LSM11: variants seen among roughly 807,000 people sequenced by gnomAD.
The protein encoded by LSM11 is U7 snRNA-associated Sm-like protein LSm11.
In LSM11, 14 loss-of-function variants were observed where a neutral mutation model predicts 28.1. That is an observed-to-expected ratio of 0.50 (90% CI 0.33 to 0.78). LSM11 has a LOEUF of 0.78. Ranked by LOEUF, LSM11 falls within the 30% of genes least tolerant of loss-of-function variation. LSM11 has a pLI of 0.02. For synonymous variants in LSM11, 207 were observed against 214.2 expected (o/e 0.97, Z 0.30); for missense variants, 495 against 510.6 (o/e 0.97, Z 0.30).
intron 1 of LSM11, among the ~76,000 whole-genome samples, chr5:157,749,354 T>G (rs985456884): frequency 2.6e-5 from 4 of 152,186 alleles, no homozygotes; most frequent in African/African-American, 7.2e-5. Context: ...GGAAAAGAAA[T>G]AATGCAAGCA....
intron 2 of LSM11, 33 bp downstream of exon 2, chr5:157,751,562 C>G (rs759720576): frequency 6.4e-7 from 1 of 1,571,206 alleles, no homozygotes; most frequent in Admixed American, 1.9e-5. Context: ...GCTGGAGAAC[C>G]TCCTACAGAT....
rs1435139645 is a variant in LSM11, at chr5:157,758,970, G to A, written c.*3706G>A. 6.6e-6 allele frequency: 1 copy of A among 152,186 alleles called. No individual in the cohort carries two copies. The highest frequency in any genetic ancestry group is 1.5e-5 in the Non-Finnish European group (1 of 68,036). 9.4% of individuals were successfully genotyped at this position (152,186 alleles called of 1,614,324 possible). On this transcript the variant is annotated 3_prime_UTR_variant, in exon 4 of 4. Transcript: ENST00000286307. ...GTAGAACTTGCACTTTGGGCTGTCT[G>A]TTCTAGTATTTGGGAAGTGTTTATG...
intron 2 of LSM11, 35 bp downstream of exon 2, chr5:157,751,564 C>T: frequency 1.3e-6 from 2 of 1,551,100 alleles, no homozygotes; most frequent in Non-Finnish European, 1.7e-6. Flanking sequence ...TGGAGAACCT[C>T]CTACAGATTA....
intron 1 of LSM11, among the ~76,000 whole-genome samples, chr5:157,749,042 G>A (rs749776420): frequency 1.3e-4 from 20 of 152,066 alleles, no homozygotes; most frequent in Admixed American, 6.6e-4. Context: ...TGCTAGTGTC[G>A]TACTTTTGAT....
Position 157,755,191 on chromosome 5 carries a change from A to C in LSM11, c.1010A>C (p.Gln337Pro), listed in dbSNP as rs1313471958. ...CGAAAGCCCAAAGTGGATTACCAGCAGGTATTCACTCGACACATAAATCAG... is the reference window on the plus strand; with the variant it reads ...CGAAAGCCCAAAGTGGATTACCAGCCGGTATTCACTCGACACATAAATCAG... ...KKRKPKVDYQ[Q>P]VFTRHINQIF... is the part of the protein sequence containing the mutation. The change falls in exon 4 of 4, where the codon CAG becomes CCG. Residue 337 changes from glutamine (Q) to proline (P), a missense_variant. Physicochemically the swap from Gln to Pro is moderately conservative, Grantham distance 76. Transcript: ENST00000286307. 1 of 1,614,116 alleles carries C rather than the reference A, an allele frequency of 6.2e-7. No homozygotes were observed. Among genetic ancestry groups the C allele is most frequent in the African/African-American group, 1.3e-5 (1 of 74,956 alleles).
rs1167351394 is a variant in LSM11 at position 157,751,967 on chromosome 5, T to G, written c.588+438T>G. 3.3e-5 allele frequency among the ~76,000 whole-genome samples: 5 copies of G among 152,238 alleles called. No individual in the cohort carries two copies. The East Asian group carries it at 9.6e-4, about 29-fold the overall frequency. On this transcript the variant is annotated intron_variant, in intron 2 of 3. Coordinates refer to ENST00000286307, the MANE Select transcript of LSM11 (RefSeq NM_173491.4). ...TTAAGGACCAATTATTTTATCGGTT[T>G]AGTAATTTTTAGTTGATTTTCTACC...
rs1761315811 is a variant in LSM11 at position 157,755,752 on chromosome 5, T to G, written c.*488T>G. ...AACTTTTGAATTTTGCCTGACATGA[T>G]TCTCTCTTGATGAAGAAATGACATA... On this transcript the variant is annotated 3_prime_UTR_variant, in exon 4 of 4. Coordinates refer to ENST00000286307, the MANE Select transcript of LSM11 (RefSeq NM_173491.4). 2.5e-6 allele frequency: 1 copy of G among 402,418 alleles called. No homozygotes were observed. Among genetic ancestry groups the G allele is most frequent in the Non-Finnish European group, 4.4e-6 (1 of 228,336 alleles). The allele number at this position is 402,418 out of a possible 1,614,324, so 24.9% of individuals were successfully genotyped here.
At position 157,744,387 on chromosome 5, in the gene LSM11, G is replaced by A. The variant is rs150276460; in HGVS notation, c.448+189G>A. Among the ~76,000 whole-genome samples the A allele has an allele frequency of 4.8e-4, 73 of 152,274 alleles. 1 individual carries two copies. The highest frequency in any genetic ancestry group is 1.7e-3 in the African/African-American group (69 of 41,572). On this transcript the variant is annotated intron_variant, in intron 1 of 3. Transcript: ENST00000286307. ...CTTGAGTAATGTGGGTAATGAGGGC[G>A]TGGGGAGGGTCACCCTGAGTAAGAA... is the stretch of plus-strand genomic sequence containing the variant.
intron 2 of LSM11, among the ~76,000 whole-genome samples, chr5:157,753,801 T>A (rs1761278547): frequency 6.6e-6 from 1 of 152,210 alleles, no homozygotes; most frequent in Admixed American, 6.5e-5. Context: ...GAAACCCATC[T>A]TATATGGTGA....
intron 1 of LSM11, among the ~76,000 whole-genome samples, chr5:157,749,687 G>C (rs941099217): frequency 6.6e-6 from 1 of 152,130 alleles, no homozygotes; most frequent in Non-Finnish European, 1.5e-5. Flanking sequence ...AAATGATGAT[G>C]GTCAGACCAG....
chr5:157,747,567 G>A (rs779914318), intron 1 of LSM11: 2 of 226,996 alleles, frequency 8.8e-6, no homozygotes, highest in African/African-American at 4.6e-5. Flanking sequence ...TTGGGCCTCT[G>A]ACGTGATACC....
At position 157,743,713 on chromosome 5, in the gene LSM11, C is replaced by A; in HGVS notation, c.-38C>A. 7.7e-7 allele frequency: 1 copy of A among 1,297,510 alleles called. No homozygotes were observed. Among genetic ancestry groups the A allele is most frequent in the South Asian group, 2.0e-5 (1 of 50,458 alleles). The allele number at this position is 1,297,510 out of a possible 1,614,324, so 80.4% of individuals were successfully genotyped here. On this transcript the variant is annotated 5_prime_UTR_variant, in exon 1 of 4. Coordinates refer to ENST00000286307, the MANE Select transcript of LSM11 (RefSeq NM_173491.4). ...GTGCCGCCCTCTGGCGGCTTCGTTC[C>A]TTCTTCCCATCGGCCTCGGCTTGCG...
At chr5:157,751,040 C>G (rs1318577970) in intron 1 of LSM11, among the ~76,000 whole-genome samples, 2 of 152,146 alleles carry the variant, frequency 1.3e-5, no homozygotes, top group Admixed American at 1.3e-4. Context: ...CCTCAGCATC[C>G]CAAAGTGCTG....
chr5:157,745,383 A>G (rs1039146672), intron 1 of LSM11, among the ~76,000 whole-genome samples: 4 of 152,202 alleles, frequency 2.6e-5, no homozygotes, highest in African/African-American at 9.7e-5. Flanking sequence ...TGGATGTCTT[A>G]CCATGCCACA....
chr5:157,756,895 C>T lies in LSM11; in HGVS notation c.*1631C>T, dbSNP rs1356034848. On this transcript the variant is annotated 3_prime_UTR_variant, in exon 4 of 4. Coordinates refer to ENST00000286307, the MANE Select transcript of LSM11 (RefSeq NM_173491.4). ...ATAAAAAAGTAATCTCAGCCAGGCA[C>T]GGTGGCTCACGCCTGTAATCCCAGC... 8 of 152,448 alleles carry T rather than the reference C, an allele frequency of 5.2e-5. No individual in the cohort carries two copies. The highest frequency in any genetic ancestry group is 2.1e-4 in the South Asian group (1 of 4,826). 9.4% of individuals were successfully genotyped at this position (152,448 alleles called of 1,614,324 possible).
In LSM11 at chr5:157,755,243, G is replaced by T. The variant is rs140586256; in HGVS notation, c.1062G>T (p.Leu354=). ...TTTTCATTCGAGGCGAGAATGTCCT[G>T]CTGGTTCATCTTGCACAGTGACCAG... ...NQIFIRGENV[L]LVHLAQ The change falls in exon 4 of 4, where the codon CTG becomes CTT. Residue 354 remains leucine, a synonymous_variant. Coordinates refer to ENST00000286307, the MANE Select transcript of LSM11 (RefSeq NM_173491.4). The T allele has an allele frequency of 6.2e-7, 1 of 1,613,982 alleles. No homozygotes were observed. The highest frequency in any genetic ancestry group is 8.5e-7 in the Non-Finnish European group (1 of 1,179,940).
chr5:157,752,390 A>C (rs1447051249), intron 2 of LSM11, among the ~76,000 whole-genome samples: 1 of 151,292 alleles, frequency 6.6e-6, no homozygotes, highest in Non-Finnish European at 1.5e-5. Flanking sequence ...TCAGCCTCCC[A>C]AAGTGCTGGG....
At chr5:157,745,549 T>C (rs1761134591) in intron 1 of LSM11, among the ~76,000 whole-genome samples, 2 of 152,206 alleles carry the variant, frequency 1.3e-5, no homozygotes, top group Admixed American at 1.3e-4. Flanking sequence ...CCAAGTCTCA[T>C]TGCAACATTT....
At chr5:157,754,792 T>C (rs1247412663) in intron 3 of LSM11, 62 bp from the exon 4 acceptor site, 1 of 1,445,608 alleles carries the variant, frequency 6.9e-7, no homozygotes, top group South Asian at 1.3e-5. Flanking sequence ...TTTTTCTGTA[T>C]GTTGAAAGAG....
Sources: allele counts gnomAD v4.1 joint callset (sites outside exome capture counted in the v4.1 genomes callset), GRCh38; gene constraint gnomAD v4.1.1; transcripts MANE v1.5; gene names NCBI Gene and HGNC (gene_info 2026-07-23, HGNC 2026-07-21).